ANOS1: variants seen among roughly 807,000 people sequenced by gnomAD.
ANOS1 encodes anosmin-1.
ANOS1 carries 6 observed loss-of-function variants against 59.0 expected under a neutral mutation model. The observed-to-expected ratio is 0.10, with a 90% CI of 0.06 to 0.20. The LOEUF (loss-of-function observed/expected upper bound fraction) is 0.20, where lower values mean the gene tolerates loss of function less well. Ranked by LOEUF, ANOS1 falls within the 10% of genes least tolerant of loss-of-function variation. ANOS1 has a pLI of 1.00. For synonymous variants in ANOS1, 217 were observed against 223.4 expected (o/e 0.97, Z 0.25); for missense variants, 433 against 542.3 (o/e 0.80, Z 2.00).
chrX:8,657,475 T>TTTTTTTTTTA (rs1430994327), intron 2 of ANOS1, among the ~76,000 whole-genome samples: 6 of 104,273 alleles, frequency 5.8e-5, no homozygotes, highest in African/African-American at 2.1e-4. Context: ...TGCTTTTTTT[T>TTTTTTTTTTA]TTTTTTTTTT....
At chrX:8,610,317 C>T (rs1931032625) in intron 3 of ANOS1, among the ~76,000 whole-genome samples, 1 of 111,586 alleles carries the variant, frequency 9.0e-6, no homozygotes. Context: ...TAGCACAAGA[C>T]AAGAAAACCT....
chrX:8,729,167 C>T (rs767225382), intron 1 of ANOS1, among the ~76,000 whole-genome samples: 1 of 111,032 alleles, frequency 9.0e-6, no homozygotes, highest in Non-Finnish European at 1.9e-5. Flanking sequence ...ACATACCTGG[C>T]GGGCATCCAG....
At chrX:8,550,785 A>C (rs5978901) in intron 9 of ANOS1, among the ~76,000 whole-genome samples, 5,926 of 110,245 alleles carry the variant, frequency 0.054, 388 homozygotes, top group African/African-American at 0.18. Context: ...AAGGAAAAAA[A>C]AAAAAGAACA....
intron 9 of ANOS1, among the ~76,000 whole-genome samples, chrX:8,551,319 A>G (rs1482502889): frequency 8.9e-6 from 1 of 111,770 alleles, no homozygotes; most frequent in East Asian, 2.8e-4. Flanking sequence ...TAAAGGAAAC[A>G]AAATGATGAA....
chrX:8,631,117 G>C (rs1931480947), intron 2 of ANOS1, among the ~76,000 whole-genome samples: 1 of 112,254 alleles, frequency 8.9e-6, no homozygotes, highest in Non-Finnish European at 1.9e-5. Flanking sequence ...ATACGGAACT[G>C]AGTGCTTAAC....
chrX:8,668,394 C>CATATATATAT lies in ANOS1; in HGVS notation c.255+31294_255+31303dup, dbSNP rs202229567. ...TTTTTATGGCTGAATAGTATTCCAT[C>CATATATATAT]ATATATATATATATATATATATATA... On this transcript the variant is annotated intron_variant, in intron 2 of 13. Transcript: ENST00000262648. Among the ~76,000 whole-genome samples the CATATATATAT allele has an allele frequency of 7.7e-3, 398 of 51,444 alleles. 1 individual carries two copies. The highest frequency in any genetic ancestry group is 0.012 in the South Asian group (7 of 586). 44.7% of individuals were successfully genotyped at this position (51,444 alleles called of 115,157 possible). A position where few individuals can be genotyped will look rare whatever the true frequency, so the allele number is the denominator to read the frequency against.
intron 2 of ANOS1, among the ~76,000 whole-genome samples, chrX:8,670,711 T>C (rs149355879): frequency 0.019 from 2,092 of 111,712 alleles, 40 homozygotes; most frequent in African/African-American, 0.065. Context: ...ACTTCAGATG[T>C]CCACCTGCCT....
rs751033049 is a variant in ANOS1 at position 8,545,014 on chromosome X, C to T, written c.1355-5256G>A. ...CCGGAAGGCAGAGGTTGTGGTGAGC[C>T]GAGATTGCGACATTGCACTCCAGCC... is the stretch of plus-strand genomic sequence containing the variant. On this transcript the variant is annotated intron_variant, in intron 9 of 13. Transcript: ENST00000262648. Among the ~76,000 whole-genome samples the T allele has an allele frequency of 7.6e-5, 7 of 92,013 alleles. No homozygotes were observed. The South Asian group carries it at 3.3e-3, about 43-fold the overall frequency. The allele number at this position is 92,013 out of a possible 115,157, so 79.9% of individuals were successfully genotyped here. A position where few individuals can be genotyped will look rare whatever the true frequency, so the allele number is the denominator to read the frequency against.
At chrX:8,589,636 T>G (rs1930581385) in intron 4 of ANOS1, among the ~76,000 whole-genome samples, 1 of 112,491 alleles carries the variant, frequency 8.9e-6, no homozygotes, top group African/African-American at 3.2e-5. Context: ...TTGACTCCTG[T>G]TCTGCCATGA....
intron 2 of ANOS1, among the ~76,000 whole-genome samples, chrX:8,654,580 A>C (rs1343580309): frequency 8.9e-6 from 1 of 112,430 alleles, no homozygotes; most frequent in Non-Finnish European, 1.9e-5. Flanking sequence ...CTTTCTAAAG[A>C]ATTTAACATA....
At chrX:8,554,770 A>G (rs1307256742) in intron 8 of ANOS1, among the ~76,000 whole-genome samples, 2 of 108,826 alleles carry the variant, frequency 1.8e-5, no homozygotes, top group African/African-American at 3.3e-5. Context: ...ACTCCCACAC[A>G]ATAATAGTGG....
intron 2 of ANOS1, among the ~76,000 whole-genome samples, chrX:8,640,296 A>G (rs773551708): frequency 1.8e-5 from 2 of 111,162 alleles, no homozygotes; most frequent in African/African-American, 6.5e-5. Flanking sequence ...TCTTCACGCC[A>G]TGATCTTCCT....
chrX:8,682,819 A>C (rs147152209), intron 2 of ANOS1, among the ~76,000 whole-genome samples: 177 of 111,746 alleles, frequency 1.6e-3, no homozygotes, highest in Middle Eastern at 4.6e-3. Context: ...CACACACACA[A>C]AAAAAAGCAG....
intron 2 of ANOS1, among the ~76,000 whole-genome samples, chrX:8,656,686 G>A (rs954929209): frequency 5.4e-5 from 6 of 111,343 alleles, no homozygotes; most frequent in Non-Finnish European, 1.1e-4. Context: ...GCATGGCATG[G>A]ATCCCTGTTC....
intron 3 of ANOS1, among the ~76,000 whole-genome samples, chrX:8,620,265 A>G (rs79489681): frequency 0.078 from 8,787 of 112,284 alleles, 416 homozygotes; most frequent in South Asian, 0.25. Context: ...CTGTGTTTCA[A>G]TAAAGTTTTA....
At chrX:8,685,244 A>G (rs867180041) in intron 2 of ANOS1, among the ~76,000 whole-genome samples, 2 of 110,878 alleles carry the variant, frequency 1.8e-5, no homozygotes, top group Middle Eastern at 4.6e-3. Context: ...ATTGACACCA[A>G]CTGAGCTATT....
At chrX:8,547,906 G>A (rs916529775) in intron 9 of ANOS1, among the ~76,000 whole-genome samples, 4 of 111,034 alleles carry the variant, frequency 3.6e-5, no homozygotes, top group Middle Eastern at 4.7e-3. Context: ...TAGTAGAGAC[G>A]GGGTTTCACC....
chrX:8,614,519 G>A (rs1035903680), intron 3 of ANOS1, among the ~76,000 whole-genome samples: 14 of 111,230 alleles, frequency 1.3e-4, no homozygotes, highest in Middle Eastern at 4.6e-3. Flanking sequence ...CTTTTAGTTC[G>A]CATCTCACTG....
chrX:8,723,576 C>A (rs777848961), intron 1 of ANOS1, among the ~76,000 whole-genome samples: 128 of 112,470 alleles, frequency 1.1e-3, no homozygotes, highest in African/African-American at 3.9e-3. Context: ...TCTACAAATG[C>A]TACATTTGTT....
Sources: gnomAD v4.1 joint callset for allele counts (sites outside exome capture counted in the v4.1 genomes callset) on GRCh38, gnomAD v4.1.1 for gene constraint, MANE v1.5 for transcripts, NCBI Gene and HGNC (gene_info 2026-07-23, HGNC 2026-07-21) for gene names.